Variants in CCDC40 observed in about 807,000 individuals in gnomAD.
CCDC40 encodes coiled-coil domain-containing protein 40.
A neutral mutation model predicts 124.5 loss-of-function variants in CCDC40; 104 were observed. The ratio of observed to expected loss-of-function variants is 0.84; its 90% CI spans 0.71 to 0.98. The LOEUF is 0.98. CCDC40 is among the 50% of genes least tolerant of loss of function. The pLI is 0.00. For synonymous variants in CCDC40, 580 were observed against 602.9 expected, an observed-to-expected ratio of 0.96 and a Z score of 0.56; for missense variants, 1,463 against 1,503.9, an observed-to-expected ratio of 0.97 and a Z score of 0.45.
intron 3 of CCDC40, among the ~76,000 whole-genome samples, chr17:80,044,543 G>A (rs2037363719): frequency 6.6e-6 from 1 of 151,696 alleles, no homozygotes. Flanking sequence ...AATTAGCCGG[G>A]TGTGTTGGTG....
chr17:80,082,597 A>G lies in CCDC40; in HGVS notation c.1989+539A>G, dbSNP rs569405713. ...CAGTGGGGCCTGCCCAACAGTCCCC[A>G]TTTTAGTCTCAGAGGAGGGTGACAG... On this transcript the variant is annotated intron_variant, in intron 12 of 19. Coordinates refer to ENST00000397545, the MANE Select transcript of CCDC40 (RefSeq NM_017950.4). Among the ~76,000 whole-genome samples, 4 of 152,144 alleles carry G rather than the reference A, an allele frequency of 2.6e-5. No individual in the cohort carries two copies. In the South Asian group the frequency reaches 8.3e-4, roughly 32 times the overall value.
At chr17:80,071,014 A>G (rs1231900463) in intron 10 of CCDC40, among the ~76,000 whole-genome samples, 2 of 152,162 alleles carry the variant, frequency 1.3e-5, no homozygotes, top group African/African-American at 2.4e-5. Flanking sequence ...CAACCCTTCA[A>G]AGACCGCAGC....
At chr17:80,040,374 C>T (rs2037246391) in intron 3 of CCDC40, 104 bp downstream of exon 3, 7 of 1,134,880 alleles carry the variant, frequency 6.2e-6, no homozygotes, top group Non-Finnish European at 7.6e-6. Flanking sequence ...AAATTGCAAT[C>T]CCTGTTAGAA....
intron 10 of CCDC40, among the ~76,000 whole-genome samples, chr17:80,078,054 G>A (rs2038350965): frequency 6.6e-6 from 1 of 152,138 alleles, no homozygotes; most frequent in Non-Finnish European, 1.5e-5. Flanking sequence ...GTCAGGCCGG[G>A]CACAGTGTGG....
chr17:80,098,877 A>T (rs111756476), intron 19 of CCDC40: 4,700 of 151,110 alleles, frequency 0.031, 110 homozygotes, highest in East Asian at 0.13. Context: ...GCTAGTTGGG[A>T]GGCTGAGGCA....
Position 80,057,097 on chromosome 17 carries a change from G to C in CCDC40, c.1160-1397G>C, listed in dbSNP as rs536427341. Among the ~76,000 whole-genome samples the C allele has an allele frequency of 1.7e-3, 252 of 151,514 alleles. 1 individual carries two copies. Among genetic ancestry groups the C allele is most frequent in the African/African-American group, 5.9e-3 (244 of 41,296 alleles). On this transcript the variant is annotated intron_variant, in intron 7 of 19. Transcript: ENST00000397545. The stretch of plus-strand genomic sequence containing the variant: ...AAGAGAACTTAGAGGAAATTACTTT[G>C]GAATTTAGCTACTGCAAGCTATATT...
In CCDC40 at chr17:80,058,463, C is replaced by G. The variant is rs1598499651; in HGVS notation, c.1160-31C>G. The G allele has an allele frequency of 1.9e-6, 3 of 1,610,146 alleles. No individual in the cohort carries two copies. The highest frequency in any genetic ancestry group is 2.7e-5 in the African/African-American group (2 of 74,864). ...CTGGGACAGCCTCCCCACTCACTCT[C>G]TCTCTCTTTCTCCCCCGCCGCGCCC... is the stretch of plus-strand genomic sequence containing the variant. On this transcript the variant is annotated intron_variant, in intron 7 of 19. Transcript: ENST00000397545. The surrounding 1 kb of genome is among the most constrained non-coding windows in gnomAD (Gnocchi z 4.2).
Position 80,088,117 on chromosome 17 carries a change from C to T in CCDC40, c.2711+15C>T. On this transcript the variant is annotated intron_variant, in intron 16 of 19. Transcript: ENST00000397545. Reference sequence around the variant, plus strand: ...GTGGAAGCAGAGTGAGTCCCAGTCTCCAGCCACACGTGGGTCATGAAGGTC... The same window carrying T: ...GTGGAAGCAGAGTGAGTCCCAGTCTTCAGCCACACGTGGGTCATGAAGGTC... 6.3e-7 allele frequency: 1 copy of T among 1,590,382 alleles called. No homozygotes were observed.
intron 17 of CCDC40, 91 bp downstream of exon 17, chr17:80,089,975 G>C: frequency 3.2e-6 from 5 of 1,555,896 alleles, no homozygotes; most frequent in Middle Eastern, 2.2e-4. Context: ...GGCTCTCCCG[G>C]GGCTCCTGTG....
chr17:80,051,053 C>T (rs2037573933), intron 7 of CCDC40, among the ~76,000 whole-genome samples: 1 of 152,232 alleles, frequency 6.6e-6, no homozygotes, highest in Non-Finnish European at 1.5e-5. Context: ...TGCAACATTA[C>T]CGATAAAGCA....
rs61740509 is a variant in CCDC40, at chr17:80,099,686, G to A, written c.3340G>A (p.Val1114Met). The A allele has an allele frequency of 6.0e-3, 9,670 of 1,613,850 alleles. 218 individuals carry two copies. In the Admixed American group the frequency reaches 0.073, roughly 12 times the overall value. ...TCTCATCGCCACCATCCTGGACCGC[G>A]TGCGGGACGAGTACCCCCAGTTCCA... ...LALIATILDR[V>M]RDEYPQFQEA... The change falls in exon 20 of 20, where the codon GTG becomes ATG. Residue 1114 changes from valine (V) to methionine (M), a missense_variant. Transcript: ENST00000397545.
intron 2 of CCDC40, among the ~76,000 whole-genome samples, chr17:80,038,456 G>A (rs917624803): frequency 2.6e-4 from 40 of 151,990 alleles, no homozygotes; most frequent in Admixed American, 2.4e-3. Flanking sequence ...GCTTGAACTC[G>A]GGAGACAGAG....
rs796910842 is a variant in CCDC40 at position 80,082,023 on chromosome 17, C to T, written c.1954C>T (p.Leu652Phe). ...SNKTTKYFNQ[L>F]ILRLQKEKTN... ...CAAGACCACCAAATACTTCAACCAG[C>T]TCATCCTGAGGCTGCAGAAGGAGAA... Residue 652 changes from leucine (L) to phenylalanine (F), a missense_variant, in exon 12 of 20, where the codon CTC becomes TTC. By Grantham distance (22) the Leu-to-Phe change is conservative. Coordinates refer to ENST00000397545, the MANE Select transcript of CCDC40 (RefSeq NM_017950.4). 1.2e-6 allele frequency: 2 copies of T among 1,613,554 alleles called. No homozygotes were observed. Among genetic ancestry groups the T allele is most frequent in the Non-Finnish European group, 1.7e-6 (2 of 1,179,946 alleles).
chr17:80,065,962 TTG>T (rs1170493197), intron 10 of CCDC40: 1 of 625,344 alleles, frequency 1.6e-6, no homozygotes, highest in Non-Finnish European at 2.9e-6. Flanking sequence ...CCCTTCTCGA[TTG>T]TTCTGCCTGA....
At position 80,098,232 on chromosome 17, in the gene CCDC40, G is replaced by A. The variant is rs528763722; in HGVS notation, c.3180+829G>A. Among the ~76,000 whole-genome samples, 14 of 152,350 alleles carry A rather than the reference G, an allele frequency of 9.2e-5. No individual in the cohort carries two copies. The South Asian group carries it at 2.9e-3, about 32-fold the overall frequency. On this transcript the variant is annotated intron_variant, in intron 19 of 19. Transcript: ENST00000397545. ...AGGCTGGGGAGGTTAGGGTATGTAAGACCCAGGCAGAGAGGGGCGGCCCAG... is the reference window on the plus strand; with the variant it reads ...AGGCTGGGGAGGTTAGGGTATGTAAAACCCAGGCAGAGAGGGGCGGCCCAG...
intron 10 of CCDC40, among the ~76,000 whole-genome samples, chr17:80,073,678 G>T (rs1343967691): frequency 6.6e-6 from 1 of 150,864 alleles, no homozygotes; most frequent in East Asian, 2.0e-4. Flanking sequence ...GAAAGGAAGA[G>T]TCTCATGCCT....
Position 80,086,680 on chromosome 17 carries a change from T to C in CCDC40, c.2449+464T>C. On this transcript the variant is annotated intron_variant, in intron 14 of 19. Coordinates refer to ENST00000397545, the MANE Select transcript of CCDC40 (RefSeq NM_017950.4). The surrounding 1 kb of genome is among the most constrained non-coding windows in gnomAD (Gnocchi z 5.5). ...TGCCAAAGCACCAGGGTGCCTGGAA[T>C]GATGGAGGCGGGCATCCTTCCTGGA... 1 of 235,680 alleles carries C rather than the reference T, an allele frequency of 4.2e-6. No homozygotes were observed. Among genetic ancestry groups the C allele is most frequent in the Admixed American group, 5.2e-5 (1 of 19,106 alleles). The allele number at this position is 235,680 out of a possible 1,614,324, so 14.6% of individuals were successfully genotyped here.
At chr17:80,063,202 AAATT>A (rs1425112348) in intron 9 of CCDC40, among the ~76,000 whole-genome samples, 2 of 152,090 alleles carry the variant, frequency 1.3e-5, no homozygotes, top group Non-Finnish European at 2.9e-5. Flanking sequence ...TCAAAAAAAA[AAATT>A]AATAGGAGAT....
intron 7 of CCDC40, among the ~76,000 whole-genome samples, chr17:80,054,530 C>G (rs1262181401): frequency 6.6e-6 from 1 of 152,060 alleles, no homozygotes; most frequent in Non-Finnish European, 1.5e-5. Context: ...TGACAGCATA[C>G]AAGCAGGAAA....
Sources: allele counts gnomAD v4.1 joint callset (sites outside exome capture counted in the v4.1 genomes callset), GRCh38; gene constraint gnomAD v4.1.1; non-coding constraint Gnocchi (gnomAD v3.1); transcripts MANE v1.5; gene names NCBI Gene and HGNC (gene_info 2026-07-23, HGNC 2026-07-21).